The following PPIP5K2 variants were observed in gnomAD, a reference collection of about 807,000 sequenced individuals.
PPIP5K2 encodes inositol hexakisphosphate and diphosphoinositol-pentakisphosphate kinase 2.
A neutral mutation model predicts 154.6 loss-of-function variants in PPIP5K2; 105 were observed. The observed-to-expected ratio is 0.68, with a 90% CI of 0.58 to 0.80. The LOEUF (loss-of-function observed/expected upper bound fraction) is 0.80. Ranked by LOEUF, PPIP5K2 falls within the 30% of genes least tolerant of loss-of-function variation. The pLI, the probability that PPIP5K2 is intolerant of heterozygous loss-of-function variation, is 0.00. For synonymous variants in PPIP5K2, 480 were observed against 490.3 expected (o/e 0.98, Z 0.28); for missense variants, 992 against 1,504.6 (o/e 0.66, Z 5.64).
At chr5:103,183,530 T>TTTAAA in intron 25 of PPIP5K2, 123 bp downstream of exon 25, 1 of 819,642 alleles carries the variant, frequency 1.2e-6, no homozygotes. Context: ...TTTTTTAATT[T>TTTAAA]TGAGTTCATT....
At chr5:103,123,064 A>G (rs1554199595) in intron 1 of PPIP5K2, among the ~76,000 whole-genome samples, 4 of 152,216 alleles carry the variant, frequency 2.6e-5, no homozygotes, top group Non-Finnish European at 5.9e-5. Flanking sequence ...GACAAGAGGT[A>G]AGTAGATACA....
At chr5:103,141,475 C>T (rs1375337043) in intron 5 of PPIP5K2, among the ~76,000 whole-genome samples, 2 of 152,174 alleles carry the variant, frequency 1.3e-5, no homozygotes, top group African/African-American at 4.8e-5. Flanking sequence ...AGTGTTACAG[C>T]TCGGGCAGCC....
intron 10 of PPIP5K2, 144 bp from the exon 11 acceptor site, chr5:103,153,704 G>A: frequency 2.0e-6 from 1 of 503,922 alleles, no homozygotes; most frequent in Non-Finnish European, 3.5e-6. Context: ...AAACTAGATT[G>A]TTATAAGTAT....
chr5:103,167,039 G>T (rs1425633099), intron 17 of PPIP5K2, 140 bp from the exon 18 acceptor site: 1 of 581,088 alleles, frequency 1.7e-6, no homozygotes. Flanking sequence ...TGGTGTTCAA[G>T]GGTCAACTGT....
At chr5:103,151,116 CTTA>C in intron 8 of PPIP5K2, 134 bp from the exon 9 acceptor site, 1 of 574,778 alleles carries the variant, frequency 1.7e-6, no homozygotes, top group Non-Finnish European at 2.7e-6. Context: ...TCTTTCATTT[CTTA>C]TTATGAAGTA....
intron 24 of PPIP5K2, among the ~76,000 whole-genome samples, chr5:103,180,844 T>TC (rs200270576): frequency 2.4e-5 from 3 of 122,726 alleles, no homozygotes; most frequent in African/African-American, 9.5e-5. Flanking sequence ...AGCAAGACTC[T>TC]CCCCAAAAAA....
chr5:103,122,065 C>G (rs547622398), intron 1 of PPIP5K2, among the ~76,000 whole-genome samples: 12 of 152,174 alleles, frequency 7.9e-5, no homozygotes, highest in Non-Finnish European at 7.4e-5. Flanking sequence ...CTAGTACTTT[C>G]AAATGGTACA....
At chr5:103,121,354 G>A (rs1159884251) in intron 1 of PPIP5K2, among the ~76,000 whole-genome samples, 1 of 152,200 alleles carries the variant, frequency 6.6e-6, no homozygotes, top group African/African-American at 2.4e-5. Context: ...ACAATTCCAG[G>A]AGGTATGTTA....
rs1803725460 is a variant in PPIP5K2, at chr5:103,210,118, A to G, written c.*8484A>G. The G allele has an allele frequency of 6.6e-6, 1 of 152,196 alleles. No homozygotes were observed. Among genetic ancestry groups the G allele is most frequent in the Admixed American group, 6.6e-5 (1 of 15,264 alleles). 9.4% of individuals were successfully genotyped at this position (152,196 alleles called of 1,614,324 possible). ...ATGTAAAAGCCACAAAGAGAGAATC[A>G]ATGAGCCACACTCATATTGGAAGCG... On this transcript the variant is annotated 3_prime_UTR_variant, in exon 31 of 31. Transcript: ENST00000358359.
intron 19 of PPIP5K2, among the ~76,000 whole-genome samples, chr5:103,170,028 T>A (rs1797736616): frequency 6.6e-6 from 1 of 151,512 alleles, no homozygotes. Context: ...ATCTCACCCC[T>A]CTACTGTTTC....
intron 30 of PPIP5K2, 50 bp from the exon 31 acceptor site, chr5:103,201,472 T>C: frequency 9.1e-7 from 1 of 1,098,134 alleles, no homozygotes; most frequent in Non-Finnish European, 1.3e-6. Context: ...CTTGGATTGT[T>C]TGTGTAAATT....
In PPIP5K2 at chr5:103,149,702, C is replaced by CT. The variant is rs548259015; in HGVS notation, c.906+403dup. Among the ~76,000 whole-genome samples, 452 of 140,188 alleles carry CT rather than the reference C, an allele frequency of 3.2e-3. 1 individual carries two copies. Among genetic ancestry groups the CT allele is most frequent in the African/African-American group, 5.2e-3 (199 of 38,572 alleles). The allele number at this position is 140,188 out of a possible 152,430, so 92.0% of individuals were successfully genotyped here. A position where few individuals can be genotyped will look rare whatever the true frequency, so the allele number is the denominator to read the frequency against. ...TCATGAAAACAATATAAAAACATTT[C>CT]TTTTTTTTTTTTTTGAGACGGAGTC... On this transcript the variant is annotated intron_variant, in intron 8 of 30. Coordinates refer to ENST00000358359, the MANE Select transcript of PPIP5K2 (RefSeq NM_001276277.3).
intron 6 of PPIP5K2, among the ~76,000 whole-genome samples, chr5:103,147,651 A>G (rs1481722909): frequency 6.6e-6 from 1 of 151,958 alleles, no homozygotes; most frequent in Admixed American, 6.6e-5. Flanking sequence ...AGTAAAAATG[A>G]ACAAGCTTGA....
chr5:103,129,621 C>G lies in PPIP5K2; in HGVS notation c.32C>G (p.Pro11Arg). Residue 11 changes from proline (P) to arginine (R), a missense_variant, in exon 2 of 31, where the codon CCA (proline) becomes CGA (arginine). Pro to Arg is a moderately radical substitution (Grantham distance 103, BLOSUM62 -2). Transcript: ENST00000358359. Reference protein sequence around the residue: MSEAPRFFVGPEDTEINPGNY... With the variant: MSEAPRFFVGREDTEINPGNY... ...GAAGCCCCCAGATTCTTCGTTGGAC[C>G]AGAAGATACAGAAATAAATCCTGGA... 6.2e-7 allele frequency: 1 copy of G among 1,606,776 alleles called. No individual in the cohort carries two copies. The highest frequency in any genetic ancestry group is 2.2e-5 in the East Asian group (1 of 44,658).
In PPIP5K2 at chr5:103,121,345, C is replaced by T. The variant is rs561910071; in HGVS notation, c.-285+857C>T. On this transcript the variant is annotated intron_variant, in intron 1 of 30. Transcript: ENST00000358359. ...ATAGTTTGTCATTTATTCCTCTCAA[C>T]AATTCCAGGAGGTATGTTAGATTAT... Among the ~76,000 whole-genome samples, 4 of 152,312 alleles carry T rather than the reference C, an allele frequency of 2.6e-5. No homozygotes were observed. In the East Asian group the frequency reaches 7.7e-4, roughly 29 times the overall value.
At chr5:103,201,462 C>T in intron 30 of PPIP5K2, 60 bp from the exon 31 acceptor site, 6 of 1,004,186 alleles carry the variant, frequency 6.0e-6, no homozygotes, top group Non-Finnish European at 5.9e-6. Flanking sequence ...ATTATTTGAA[C>T]TTGGATTGTT....
At chr5:103,133,220 T>G (rs1554203170) in intron 2 of PPIP5K2, among the ~76,000 whole-genome samples, 1 of 152,028 alleles carries the variant, frequency 6.6e-6, no homozygotes, top group Non-Finnish European at 1.5e-5. Context: ...AGCAACCATA[T>G]TTATTCTGAA....
chr5:103,124,052 G>A (rs781992488), intron 1 of PPIP5K2, among the ~76,000 whole-genome samples: 8 of 152,018 alleles, frequency 5.3e-5, no homozygotes, highest in Non-Finnish European at 8.8e-5. Context: ...AGGCCGAGGC[G>A]GGAGGATCAC....
chr5:103,141,477 C>G (rs1051958968), intron 5 of PPIP5K2, among the ~76,000 whole-genome samples: 2 of 152,118 alleles, frequency 1.3e-5, no homozygotes, highest in African/African-American at 2.4e-5. Flanking sequence ...TGTTACAGCT[C>G]GGGCAGCCTG....
Sources: allele counts gnomAD v4.1 joint callset (sites outside exome capture counted in the v4.1 genomes callset), GRCh38; gene constraint gnomAD v4.1.1; transcripts MANE v1.5; gene names NCBI Gene and HGNC (gene_info 2026-07-23, HGNC 2026-07-21).